Variants in TENM3 observed in about 807,000 individuals in gnomAD.
TENM3 encodes teneurin transmembrane protein 3, also known as teneurin-3.
Under a neutral mutation model 255.1 loss-of-function variants are expected in TENM3, and 63 were observed. That is an observed-to-expected ratio of 0.25 (90% CI 0.20 to 0.30). The LOEUF (loss-of-function observed/expected upper bound fraction) is 0.30, where lower values mean the gene tolerates loss of function less well. Among genes scored for constraint, TENM3 ranks in the 10% least tolerant of loss-of-function variants. The probability of loss-of-function intolerance (pLI) is 1.00; values close to 1 mark genes in which losing one functional copy is unlikely to be tolerated. For missense variants in TENM3, 2,929 were observed against 3,461.1 expected (o/e 0.85, Z 3.86); for synonymous variants, 1,306 against 1,322.3 (o/e 0.99, Z 0.27).
intron 1 of TENM3, among the ~76,000 whole-genome samples, chr4:182,148,707 T>C (rs1351451717): frequency 6.6e-6 from 1 of 152,100 alleles, no homozygotes; most frequent in Admixed American, 6.6e-5. Context: ...AGATAATGCA[T>C]GTGGAGGTAA....
intron 3 of TENM3, among the ~76,000 whole-genome samples, chr4:182,389,383 GAA>G (rs5864782): frequency 0.75 from 107,357 of 142,244 alleles, 41,061 homozygotes; most frequent in Non-Finnish European, 0.85. Context: ...TTGGTAGATG[GAA>G]AAAAAAAAAA....
chr4:181,534,168 A>G, the TENM3 span, among the ~76,000 whole-genome samples: 1 of 151,654 alleles, frequency 6.6e-6, no homozygotes, highest in African/African-American at 2.4e-5. Flanking sequence ...AGGTGGGTGG[A>G]TCACAAGGTC....
chr4:181,665,763 A>G, the TENM3 span, among the ~76,000 whole-genome samples: 1 of 152,162 alleles, frequency 6.6e-6, no homozygotes, highest in African/African-American at 2.4e-5. Flanking sequence ...ATTTTTAACC[A>G]TTCTTCTTTA....
At chr4:182,039,147 T>C in the TENM3 span, among the ~76,000 whole-genome samples, 1 of 152,166 alleles carries the variant, frequency 6.6e-6, no homozygotes. Context: ...AGCTAAAGTG[T>C]TCACTCCACC....
intron 1 of TENM3, among the ~76,000 whole-genome samples, chr4:182,258,939 C>CTAT (rs1758607481): frequency 6.6e-6 from 1 of 152,196 alleles, no homozygotes; most frequent in Admixed American, 6.5e-5. Flanking sequence ...AAAACTCTGG[C>CTAT]TATTTTTGGA....
chr4:182,555,995 CT>C (rs1742546070), intron 3 of TENM3, among the ~76,000 whole-genome samples: 1 of 152,040 alleles, frequency 6.6e-6, no homozygotes, highest in Admixed American at 6.6e-5. Flanking sequence ...AATATTAGTA[CT>C]TTTTTTGTTG....
chr4:182,290,012 G>T (rs191665392), intron 1 of TENM3, among the ~76,000 whole-genome samples: 9 of 151,250 alleles, frequency 6.0e-5, no homozygotes, highest in Admixed American at 2.6e-4. Context: ...CGTGCCCTAC[G>T]GTGCTGTCCA....
At chr4:182,012,621 CT>C in the TENM3 span, 20 of 152,148 alleles carry the variant, frequency 1.3e-4, no homozygotes, top group African/African-American at 4.8e-4. Flanking sequence ...GTGGATAACA[CT>C]TTTTGGATCA....
chr4:181,643,720 A>G, the TENM3 span, among the ~76,000 whole-genome samples: 1 of 152,216 alleles, frequency 6.6e-6, no homozygotes, highest in Non-Finnish European at 1.5e-5. Flanking sequence ...TGAGCACCGC[A>G]TAAGAGAATG....
chr4:181,462,739 C>T, the TENM3 span, among the ~76,000 whole-genome samples: 1 of 152,192 alleles, frequency 6.6e-6, no homozygotes, highest in African/African-American at 2.4e-5. Flanking sequence ...CTACTGACCA[C>T]ACTTTTCCAG....
At chr4:181,801,891 T>G in the TENM3 span, among the ~76,000 whole-genome samples, 85 of 152,120 alleles carry the variant, frequency 5.6e-4, no homozygotes, top group African/African-American at 2.0e-3. Flanking sequence ...GTCACCATTC[T>G]TTTTTGAACT....
rs201476284 is a variant in TENM3, at chr4:182,314,295, C to T, written c.-75-9651C>T. ...CAGCCTGGGCGACAGAGCGAGACTC[C>T]GTCTCAAAAAAAAAAAAAGAGGGCA... On this transcript the variant is annotated intron_variant, in intron 1 of 27. Coordinates refer to ENST00000511685, the MANE Select transcript of TENM3 (RefSeq NM_001080477.4). Among the ~76,000 whole-genome samples, 38 of 151,010 alleles carry T rather than the reference C, an allele frequency of 2.5e-4. No individual in the cohort carries two copies. The East Asian group carries it at 6.6e-3, about 26-fold the overall frequency.
intron 3 of TENM3, among the ~76,000 whole-genome samples, chr4:182,528,542 G>A (rs1441347766): frequency 6.6e-6 from 1 of 152,102 alleles, no homozygotes; most frequent in Non-Finnish European, 1.5e-5. Context: ...TATCAGCAAA[G>A]ACCTTAAACC....
At chr4:181,483,944 G>A in the TENM3 span, among the ~76,000 whole-genome samples, 2 of 152,106 alleles carry the variant, frequency 1.3e-5, no homozygotes, top group Admixed American at 1.3e-4. Flanking sequence ...TCTATGCATA[G>A]AATACATATT....
intron 1 of TENM3, among the ~76,000 whole-genome samples, chr4:182,214,189 C>T (rs2597114): frequency 0.29 from 43,348 of 151,914 alleles, 7,475 homozygotes; most frequent in African/African-American, 0.48. Flanking sequence ...TTGGATGTAT[C>T]AAGGAAGCAT....
intron 4 of TENM3, among the ~76,000 whole-genome samples, chr4:182,613,694 G>A (rs1421461874): frequency 2.0e-5 from 3 of 152,112 alleles, no homozygotes; most frequent in Non-Finnish European, 4.4e-5. Flanking sequence ...CACACATAAT[G>A]CTATACTTAC....
chr4:181,691,438 G>C, the TENM3 span, among the ~76,000 whole-genome samples: 6 of 152,048 alleles, frequency 3.9e-5, no homozygotes, highest in African/African-American at 1.4e-4. Context: ...ACAGATCAAA[G>C]CCTAGAGGAT....
At position 182,681,967 on chromosome 4, in the gene TENM3, G is replaced by A. The variant is rs774311701; in HGVS notation, c.1988G>A (p.Gly663Asp). 6 of 1,613,806 alleles carry A rather than the reference G, an allele frequency of 3.7e-6. No homozygotes were observed. In the Admixed American group the frequency reaches 5.0e-5, roughly 13 times the overall value. The change falls in exon 11 of 28, where the codon GGC becomes GAC. Residue 663 changes from glycine to aspartate, a missense_variant. Coordinates refer to ENST00000511685, the MANE Select transcript of TENM3 (RefSeq NM_001080477.4). ...SGHGTYLQESGSCTCDPNWTG... is the reference protein window; with the variant it reads ...SGHGTYLQESDSCTCDPNWTG... The stretch of plus-strand genomic sequence containing the variant: ...CACGGAACGTATCTTCAAGAAAGTG[G>A]CTCCTGCACGTGTGACCCTAACTGG...
intron 24 of TENM3, among the ~76,000 whole-genome samples, chr4:182,783,784 T>G (rs912396083): frequency 2.0e-5 from 3 of 152,316 alleles, no homozygotes; most frequent in Non-Finnish European, 4.4e-5. Context: ...TAAACTTCCC[T>G]TCTCGCTTCA....
Sources: gnomAD v4.1 joint callset for allele counts (sites outside exome capture counted in the v4.1 genomes callset) on GRCh38, gnomAD v4.1.1 for gene constraint, MANE v1.5 for transcripts, NCBI Gene and HGNC (gene_info 2026-07-23, HGNC 2026-07-21) for gene names.